NOL4: variants seen among roughly 807,000 people sequenced by gnomAD.
The protein encoded by NOL4 is cancer/testis antigen 125.
A neutral mutation model predicts 75.9 loss-of-function variants in NOL4; 17 were observed. That is an observed-to-expected ratio of 0.22 (90% confidence interval 0.15 to 0.34). NOL4 has a LOEUF of 0.34. Ranked by LOEUF, NOL4 falls within the 10% of genes least tolerant of loss-of-function variation. NOL4 has a pLI of 1.00. For missense variants in NOL4, 614 were observed against 793.5 expected (o/e 0.77, Z 2.72); for synonymous variants, 292 against 289.9 (o/e 1.01, Z -0.07).
chr18:33,868,772 C>A (rs2063554712), intron 10 of NOL4, among the ~76,000 whole-genome samples: 1 of 151,470 alleles, frequency 6.6e-6, no homozygotes, highest in Non-Finnish European at 1.5e-5. Flanking sequence ...ATAACAGAAA[C>A]ACTGATGCCT....
At chr18:34,063,509 A>G (rs1012567711) in intron 5 of NOL4, among the ~76,000 whole-genome samples, 4 of 152,092 alleles carry the variant, frequency 2.6e-5, no homozygotes, top group Non-Finnish European at 5.9e-5. Context: ...CTCTGACAAC[A>G]GAAATTGCAA....
In NOL4 at chr18:34,100,823, T is replaced by G. The variant is rs75416274; in HGVS notation, c.639+3224A>C. On this transcript the variant is annotated intron_variant, in intron 4 of 10. Coordinates refer to ENST00000261592, the MANE Select transcript of NOL4 (RefSeq NM_003787.5). ...TTAGTTCTTTGCTCTTAATTACACA[T>G]GCCAACTGTCTAATTGACAAATCTA... Among the ~76,000 whole-genome samples the G allele has an allele frequency of 3.3e-5, 5 of 152,312 alleles. No homozygotes were observed. The East Asian group carries it at 9.7e-4, about 29-fold the overall frequency.
intron 6 of NOL4, among the ~76,000 whole-genome samples, chr18:34,008,598 AT>A (rs1416783506): frequency 3.3e-5 from 5 of 152,030 alleles, no homozygotes; most frequent in Non-Finnish European, 7.4e-5. Context: ...AAGTTTGCAC[AT>A]TGTGATTTGA....
intron 5 of NOL4, among the ~76,000 whole-genome samples, chr18:34,031,746 CAA>C (rs1049975872): frequency 6.6e-6 from 1 of 152,112 alleles, no homozygotes; most frequent in African/African-American, 2.4e-5. Flanking sequence ...TGTCAGATGC[CAA>C]GAGAGACTCC....
At chr18:33,933,469 G>A (rs1374829193) in intron 9 of NOL4, among the ~76,000 whole-genome samples, 2 of 152,150 alleles carry the variant, frequency 1.3e-5, no homozygotes, top group South Asian at 2.1e-4. Context: ...ATACAAAACT[G>A]TTTGATAGTA....
intron 2 of NOL4, among the ~76,000 whole-genome samples, chr18:34,107,396 C>A (rs1337217841): frequency 1.3e-5 from 2 of 151,982 alleles, no homozygotes; most frequent in Non-Finnish European, 2.9e-5. Flanking sequence ...TCATATTATT[C>A]TTTCCGGTAT....
chr18:34,137,779 T>TATACACACACACACAC (rs1354745785), intron 1 of NOL4, among the ~76,000 whole-genome samples: 2,894 of 147,090 alleles, frequency 0.02, 49 homozygotes, highest in Middle Eastern at 0.048. Flanking sequence ...ATATACGAAA[T>TATACACACACACACAC]ACACACACAC....
chr18:33,890,914 G>A (rs1383132876), intron 9 of NOL4, among the ~76,000 whole-genome samples: 1 of 151,916 alleles, frequency 6.6e-6, no homozygotes, highest in Non-Finnish European at 1.5e-5. Flanking sequence ...ATGTTACAAT[G>A]ACAGAGTGGG....
chr18:34,015,423 G>A (rs1036575534), intron 6 of NOL4, among the ~76,000 whole-genome samples: 2 of 151,930 alleles, frequency 1.3e-5, no homozygotes, highest in Non-Finnish European at 2.9e-5. Context: ...TCTAAGGATC[G>A]CTTAGTTTAA....
intron 1 of NOL4, among the ~76,000 whole-genome samples, chr18:34,193,626 C>T (rs1040807194): frequency 6.6e-6 from 1 of 151,786 alleles, no homozygotes; most frequent in African/African-American, 2.4e-5. Context: ...AACCTTTGCA[C>T]ACTGTTGATA....
At chr18:34,024,194 A>AAAAATATATATATATATATATAT in intron 5 of NOL4, among the ~76,000 whole-genome samples, 50 of 70,644 alleles carry the variant, frequency 7.1e-4, no homozygotes, top group African/African-American at 1.4e-3. Flanking sequence ...AAAAAAAAAA[A>AAAAATATATATATATATATATAT]ATATATATAT....
chr18:34,019,574 C>A lies in NOL4; in HGVS notation c.800G>T (p.Gly267Val). The A allele has an allele frequency of 6.2e-7, 1 of 1,613,254 alleles. No individual in the cohort carries two copies. Among genetic ancestry groups the A allele is most frequent in the South Asian group, 1.1e-5 (1 of 91,016 alleles). ...TGAACTGTGCCCCAGAGTCTCATTG[C>A]CATTAAAGCTCTCTGCAGCAGAATC... is the stretch of plus-strand genomic sequence containing the variant. The part of the protein sequence containing the change: ...DDDSAAESFN[G>V]NETLGHSSIA... Residue 267 changes from glycine to valine, a missense_variant, in exon 6 of 11, where the codon GGC becomes GTC. Transcript: ENST00000261592.
intron 2 of NOL4, among the ~76,000 whole-genome samples, chr18:34,123,840 A>C (rs2145861148): frequency 6.6e-6 from 1 of 151,522 alleles, no homozygotes; most frequent in Admixed American, 6.6e-5. Context: ...ACCTAACAAA[A>C]TTATCTGTAA....
chr18:34,187,783 A>C (rs374218300), intron 1 of NOL4, among the ~76,000 whole-genome samples: 2 of 152,334 alleles, frequency 1.3e-5, no homozygotes, highest in East Asian at 3.9e-4. Context: ...TTAGGTTTTA[A>C]AAATTTATTT....
intron 1 of NOL4, among the ~76,000 whole-genome samples, chr18:34,131,680 T>C (rs2080658075): frequency 6.6e-6 from 1 of 152,140 alleles, no homozygotes; most frequent in Admixed American, 6.6e-5. Context: ...ATATTTGTCC[T>C]TTAATTCATT....
chr18:34,179,479 T>C (rs1342061772), intron 1 of NOL4, among the ~76,000 whole-genome samples: 1 of 151,320 alleles, frequency 6.6e-6, no homozygotes, highest in Non-Finnish European at 1.5e-5. Context: ...ATAAATTATT[T>C]TTAAAGAAAG....
chr18:33,935,594 A>G (rs1318615754), intron 9 of NOL4, among the ~76,000 whole-genome samples: 1 of 152,150 alleles, frequency 6.6e-6, no homozygotes, highest in East Asian at 1.9e-4. Context: ...ATGATGAAAA[A>G]TTTGAAATAT....
At chr18:33,988,801 A>C (rs1181229129) in intron 6 of NOL4, among the ~76,000 whole-genome samples, 1 of 152,064 alleles carries the variant, frequency 6.6e-6, no homozygotes, top group South Asian at 2.1e-4. Flanking sequence ...AGACAAAAAA[A>C]GGCCTTGAAA....
At chr18:34,137,234 G>T (rs991679784) in intron 1 of NOL4, among the ~76,000 whole-genome samples, 1 of 152,026 alleles carries the variant, frequency 6.6e-6, no homozygotes, top group Non-Finnish European at 1.5e-5. Context: ...CTTGGGTAAC[G>T]CAAAGTCCTC....
Sources: allele counts gnomAD v4.1 joint callset (sites outside exome capture counted in the v4.1 genomes callset), GRCh38; gene constraint gnomAD v4.1.1; transcripts MANE v1.5; gene names NCBI Gene and HGNC (gene_info 2026-07-23, HGNC 2026-07-21).